The following GABPB1 variants were observed in gnomAD, a reference collection of about 807,000 sequenced individuals.
GABPB1 encodes GA-binding protein subunit beta-1.
In GABPB1, 15 loss-of-function variants were observed where a neutral mutation model predicts 45.9. The observed-to-expected ratio is 0.33, with a 90% CI of 0.22 to 0.50. GABPB1 has a LOEUF of 0.50. Among genes scored for constraint, GABPB1 ranks in the 20% least tolerant of loss-of-function variants. GABPB1 has a pLI of 0.98. For missense variants in GABPB1, 252 were observed against 457.5 expected (o/e 0.55, Z 4.10); for synonymous variants, 143 against 154.4 (o/e 0.93, Z 0.55).
At chr15:50,290,121 C>T (rs751004770) in intron 6 of GABPB1, among the ~76,000 whole-genome samples, 5 of 152,130 alleles carry the variant, frequency 3.3e-5, no homozygotes, top group African/African-American at 4.8e-5. Context: ...AAAACTCAGT[C>T]GCCAGAGGTG....
At chr15:50,341,724 T>C (rs527736081) in intron 1 of GABPB1, among the ~76,000 whole-genome samples, 39 of 152,206 alleles carry the variant, frequency 2.6e-4, no homozygotes, top group African/African-American at 9.2e-4. Context: ...TTGTACAACA[T>C]AGCCCACAAA....
chr15:50,295,111 T>C (rs1324445014), intron 6 of GABPB1, among the ~76,000 whole-genome samples: 1 of 152,340 alleles, frequency 6.6e-6, no homozygotes, highest in East Asian at 1.9e-4. Context: ...CAATCACAGC[T>C]TCTAATTCTA....
intron 1 of GABPB1, chr15:50,353,951 T>A (rs2048967664): frequency 6.2e-6 from 1 of 160,266 alleles, no homozygotes. Flanking sequence ...CCTTCAGAAG[T>A]ACTGTGGTCT....
intron 1 of GABPB1, among the ~76,000 whole-genome samples, chr15:50,334,077 T>G (rs1312613852): frequency 6.6e-6 from 1 of 151,978 alleles, no homozygotes; most frequent in Non-Finnish European, 1.5e-5. Context: ...AAGTCATCTA[T>G]TACTCTAATT....
At chr15:50,279,386 T>G (rs1009407547) in intron 8 of GABPB1, among the ~76,000 whole-genome samples, 3 of 152,246 alleles carry the variant, frequency 2.0e-5, no homozygotes, top group Non-Finnish European at 4.4e-5. Context: ...GCAAGCAAGA[T>G]AATTCACCTT....
At chr15:50,288,969 G>A (rs1039179391) in intron 7 of GABPB1, among the ~76,000 whole-genome samples, 1 of 152,026 alleles carries the variant, frequency 6.6e-6, no homozygotes, top group Non-Finnish European at 1.5e-5. Context: ...GCGACTATCA[G>A]CAAATGTCAC....
chr15:50,348,201 G>C (rs905960938), intron 1 of GABPB1, among the ~76,000 whole-genome samples: 18 of 152,130 alleles, frequency 1.2e-4, no homozygotes, highest in African/African-American at 4.1e-4. Context: ...CACAGCATTA[G>C]TGGGTTTAAG....
chr15:50,353,357 A>C (rs1315190636), intron 1 of GABPB1: 2 of 152,152 alleles, frequency 1.3e-5, no homozygotes, highest in Admixed American at 1.3e-4. Context: ...GTATGGTGAA[A>C]GCACGGTAAG....
In GABPB1 at chr15:50,344,926, G is replaced by A. The variant is rs183626591; in HGVS notation, c.-1+10059C>T. Reference sequence around the variant, plus strand: ...TAAGTATGATAAAATTAAAAGAAATGGTGAAAGCAGGTGAGAGGCTGAATA... The same window carrying A: ...TAAGTATGATAAAATTAAAAGAAATAGTGAAAGCAGGTGAGAGGCTGAATA... On this transcript the variant is annotated intron_variant, in intron 1 of 8. Coordinates refer to ENST00000380877, the MANE Select transcript of GABPB1 (RefSeq NM_016654.5). Among the ~76,000 whole-genome samples, 402 of 152,280 alleles carry A rather than the reference G, an allele frequency of 2.6e-3. 1 individual carries two copies. The highest frequency in any genetic ancestry group is 9.2e-3 in the African/African-American group (382 of 41,546).
At chr15:50,346,713 G>A (rs1368125096) in intron 1 of GABPB1, among the ~76,000 whole-genome samples, 44 of 150,858 alleles carry the variant, frequency 2.9e-4, no homozygotes, top group Non-Finnish European at 4.4e-5. Context: ...TCAGTATCTG[G>A]TAAGGGCCAG....
intron 1 of GABPB1, among the ~76,000 whole-genome samples, chr15:50,344,711 G>A (rs1015687219): frequency 3.9e-5 from 6 of 152,084 alleles, no homozygotes; most frequent in South Asian, 2.1e-4. Context: ...GGTGGTGCAC[G>A]CCTGAAATCC....
intron 4 of GABPB1, among the ~76,000 whole-genome samples, chr15:50,302,492 A>C (rs1176621533): frequency 6.6e-6 from 1 of 151,884 alleles, no homozygotes; most frequent in Non-Finnish European, 1.5e-5. Context: ...AAAACACAAA[A>C]AATTAGCCAG....
rs2045874712 is a variant in GABPB1, at chr15:50,278,163, GT to G, written c.*468del. 6.6e-6 allele frequency: 1 copy of G among 152,626 alleles called. No individual in the cohort carries two copies. Among genetic ancestry groups the G allele is most frequent in the Non-Finnish European group, 1.5e-5 (1 of 68,058 alleles). 9.5% of individuals were successfully genotyped at this position (152,626 alleles called of 1,614,324 possible). A position where few individuals can be genotyped will look rare whatever the true frequency, so the allele number is the denominator to read the frequency against. On this transcript the variant is annotated 3_prime_UTR_variant, in exon 9 of 9. Transcript: ENST00000380877. ...AGAGAATCTGACACAACTTAAAGCT[GT>G]ACAAAGATTTCCTGGGAGAAATCTT... is the stretch of plus-strand genomic sequence containing the variant.
chr15:50,304,371 T>C (rs987432376), intron 2 of GABPB1, among the ~76,000 whole-genome samples: 1 of 152,216 alleles, frequency 6.6e-6, no homozygotes, highest in African/African-American at 2.4e-5. Context: ...TTCTTCATTA[T>C]TTTTTATCAG....
Position 50,275,795 on chromosome 15 carries a change from AAAAT to A in GABPB1, c.*2833_*2836del, listed in dbSNP as rs1218900304. 2.0e-5 allele frequency: 3 copies of A among 152,254 alleles called. No individual in the cohort carries two copies. Among genetic ancestry groups the A allele is most frequent in the African/African-American group, 7.2e-5 (3 of 41,470 alleles). 9.4% of individuals were successfully genotyped at this position (152,254 alleles called of 1,614,324 possible). A position where few individuals can be genotyped will look rare whatever the true frequency, so the allele number is the denominator to read the frequency against. On this transcript the variant is annotated 3_prime_UTR_variant, in exon 9 of 9. Coordinates refer to ENST00000380877, the MANE Select transcript of GABPB1 (RefSeq NM_016654.5). ...TTTGTGAAGTAATTAAGATATAAAT[AAAAT>A]AAATAACAATAAATGAAAATTAGTT...
intron 8 of GABPB1, among the ~76,000 whole-genome samples, chr15:50,281,413 A>G (rs144508905): frequency 0.024 from 3,660 of 152,130 alleles, 65 homozygotes; most frequent in East Asian, 0.065. Flanking sequence ...GGGTTTCACC[A>G]TGTTAGCCAG....
At chr15:50,293,594 T>G (rs973564278) in intron 6 of GABPB1, among the ~76,000 whole-genome samples, 2 of 152,214 alleles carry the variant, frequency 1.3e-5, no homozygotes, top group Non-Finnish European at 2.9e-5. Context: ...ATTGCTTTGA[T>G]TTTTTCAAAA....
intron 1 of GABPB1, among the ~76,000 whole-genome samples, chr15:50,343,608 G>A (rs1257562614): frequency 6.6e-6 from 1 of 151,754 alleles, no homozygotes; most frequent in East Asian, 1.9e-4. Context: ...GTGCCATCTC[G>A]GCTCACTGCA....
intron 1 of GABPB1, among the ~76,000 whole-genome samples, chr15:50,314,085 T>C (rs1426390838): frequency 2.6e-5 from 4 of 152,240 alleles, no homozygotes; most frequent in Non-Finnish European, 5.9e-5. Context: ...TTGTCTTAAT[T>C]ATTCAAAACA....
Sources: allele counts gnomAD v4.1 joint callset (sites outside exome capture counted in the v4.1 genomes callset), GRCh38; gene constraint gnomAD v4.1.1; transcripts MANE v1.5; gene names NCBI Gene and HGNC (gene_info 2026-07-23, HGNC 2026-07-21).